Variants in DPYD observed in about 807,000 individuals in gnomAD.
The protein encoded by DPYD is dihydropyrimidine dehydrogenase.
A neutral mutation model predicts 116.2 loss-of-function variants in DPYD; 109 were observed. The observed-to-expected ratio is 0.94, with a 90% CI of 0.80 to 1.10. The LOEUF is 1.10. Among genes scored for constraint, DPYD ranks in the 50% least tolerant of loss-of-function variants. The pLI, the probability that DPYD is intolerant of heterozygous loss-of-function variation, is 0.00. For synonymous variants in DPYD, 440 were observed against 432.0 expected, an observed-to-expected ratio of 1.02 and a Z score of -0.23; for missense variants, 1,302 against 1,254.5, an observed-to-expected ratio of 1.04 and a Z score of -0.57.
At chr1:97,228,181 C>T (rs1661323473) in intron 19 of DPYD, among the ~76,000 whole-genome samples, 1 of 150,558 alleles carries the variant, frequency 6.6e-6, no homozygotes, top group African/African-American at 2.4e-5. Context: ...CTCTAAATTT[C>T]TACAACAATG....
intron 18 of DPYD, among the ~76,000 whole-genome samples, chr1:97,237,555 A>G (rs1662034906): frequency 6.6e-6 from 1 of 152,198 alleles, no homozygotes; most frequent in Non-Finnish European, 1.5e-5. Context: ...TTTATCAGTG[A>G]TTCCTCACAG....
At chr1:97,695,470 G>A (rs1446701471) in intron 6 of DPYD, among the ~76,000 whole-genome samples, 1 of 149,834 alleles carries the variant, frequency 6.7e-6, no homozygotes, top group African/African-American at 2.5e-5. Flanking sequence ...TTGGTTTATT[G>A]TTCGTTTATT....
intron 16 of DPYD, among the ~76,000 whole-genome samples, chr1:97,368,935 C>T (rs113435898): frequency 2.6e-5 from 4 of 152,128 alleles, no homozygotes; most frequent in African/African-American, 9.6e-5. Flanking sequence ...GATTTTTTTG[C>T]CACCTATTGT....
intron 12 of DPYD, among the ~76,000 whole-genome samples, chr1:97,537,640 A>AATTGTCTTT (rs71071661): frequency 0.26 from 38,917 of 151,894 alleles, 5,206 homozygotes; most frequent in Middle Eastern, 0.32. Context: ...CCATATTTTT[A>AATTGTCTTT]ATTGTCTTTA....
chr1:97,549,679 T>A lies in DPYD; in HGVS notation c.1405A>T (p.Met469Leu). The A allele has an allele frequency of 6.2e-7, 1 of 1,613,898 alleles. No homozygotes were observed. Among genetic ancestry groups the A allele is most frequent in the East Asian group, 2.2e-5 (1 of 44,854 alleles). The change falls in exon 12 of 23, where the codon ATG becomes TTG. Residue 469 changes from methionine (M) to leucine (L), a missense_variant. Met to Leu is a conservative substitution (Grantham distance 15). Transcript: ENST00000370192. ...WGLPEVDPET[M>L]QTSEAWVFAG... The stretch of plus-strand genomic sequence containing the variant: ...AATACCCATGCTTCACTAGTTTGCA[T>A]AGTTTCTGGATCTACTTCTGGGAGA...
intron 2 of DPYD, among the ~76,000 whole-genome samples, chr1:97,864,330 T>C (rs994992846): frequency 2.6e-5 from 4 of 151,874 alleles, no homozygotes; most frequent in Admixed American, 2.6e-4. Flanking sequence ...TGGGAAAGAT[T>C]CATTTTCCAG....
chr1:97,720,036 T>C (rs1662829995), intron 5 of DPYD: 5 of 984,840 alleles, frequency 5.1e-6, no homozygotes, highest in East Asian at 1.1e-4. Context: ...GCTCTGGGAA[T>C]GAGTGGTAGA....
intron 16 of DPYD, among the ~76,000 whole-genome samples, chr1:97,335,783 C>G (rs1230052901): frequency 6.6e-6 from 1 of 152,136 alleles, no homozygotes; most frequent in Admixed American, 6.5e-5. Flanking sequence ...ACAGTTGCTG[C>G]TTTACTTCAA....
rs192449866 is a variant in DPYD at position 97,864,593 on chromosome 1, G to A, written c.150+18671C>T. Among the ~76,000 whole-genome samples the A allele has an allele frequency of 3.5e-3, 539 of 151,886 alleles. 4 individuals are homozygous for A. The highest frequency in any genetic ancestry group is 6.8e-3 in the Admixed American group (104 of 15,206). On this transcript the variant is annotated intron_variant, in intron 2 of 22. Coordinates refer to ENST00000370192, the MANE Select transcript of DPYD (RefSeq NM_000110.4). ...TGATAAGAGAAAGCTTAAGACAGATGTTAGATAAAAACTGAGGCCAAGGAA... is the reference window on the plus strand; with the variant it reads ...TGATAAGAGAAAGCTTAAGACAGATATTAGATAAAAACTGAGGCCAAGGAA...
rs552299894 is a variant in DPYD, at chr1:97,330,440, T to A, written c.2059-24143A>T. The stretch of plus-strand genomic sequence containing the variant: ...ATGTTATATAACCAGTCTGTAATAA[T>A]CCTTATTTGATGATACTCATTAATT... On this transcript the variant is annotated intron_variant, in intron 16 of 22. Transcript: ENST00000370192. 2.2e-4 allele frequency among the ~76,000 whole-genome samples: 33 copies of A among 152,294 alleles called. No homozygotes were observed. The South Asian group carries it at 5.2e-3, about 24-fold the overall frequency.
At chr1:97,364,824 G>A (rs187162009) in intron 16 of DPYD, among the ~76,000 whole-genome samples, 40 of 152,170 alleles carry the variant, frequency 2.6e-4, no homozygotes, top group Admixed American at 1.7e-3. Context: ...GTAAAATGCC[G>A]TAATTTTAAT....
intron 3 of DPYD, among the ~76,000 whole-genome samples, chr1:97,775,579 G>C (rs1043922161): frequency 5.9e-5 from 9 of 151,892 alleles, no homozygotes; most frequent in Admixed American, 1.3e-4. Context: ...TTTCTCTTTG[G>C]GGTATACCTA....
rs768680499 is a variant in DPYD, at chr1:97,699,498, G to T, written c.533C>A (p.Pro178His). 8 of 1,613,304 alleles carry T rather than the reference G, an allele frequency of 5.0e-6. No homozygotes were observed. Among genetic ancestry groups the T allele is most frequent in the Non-Finnish European group, 6.8e-6 (8 of 1,179,570 alleles). Residue 178 changes from proline (P) to histidine (H), a missense_variant, in exon 6 of 23, where the codon CCC (proline) becomes CAC (histidine). Transcript: ENST00000370192. ...ATAGGCTTCAGACATTTTTTCTGGG[G>T]GAGGCAGCGAAGGATTTCTGATCTG... The part of the protein sequence containing the change: ...IPQIRNPSLP[P>H]PEKMSEAYSA...
At chr1:97,679,764 T>C (rs1367401562) in intron 7 of DPYD, among the ~76,000 whole-genome samples, 2 of 152,030 alleles carry the variant, frequency 1.3e-5, no homozygotes, top group Non-Finnish European at 2.9e-5. Context: ...CTAGTAAAAG[T>C]CACAATGCTT....
chr1:97,445,851 G>C (rs1397033529), intron 14 of DPYD, among the ~76,000 whole-genome samples: 1 of 151,038 alleles, frequency 6.6e-6, no homozygotes, highest in African/African-American at 2.4e-5. Flanking sequence ...TCAGCCTCTT[G>C]AGTAGCTGGG....
intron 13 of DPYD, among the ~76,000 whole-genome samples, chr1:97,479,852 G>A (rs1678200503): frequency 2.0e-5 from 3 of 152,120 alleles, no homozygotes; most frequent in African/African-American, 4.8e-5. Context: ...TCCTATATTT[G>A]TTCTTACTAA....
At chr1:97,603,099 TCC>T (rs1655367144) in intron 8 of DPYD, among the ~76,000 whole-genome samples, 2 of 152,018 alleles carry the variant, frequency 1.3e-5, no homozygotes, top group Admixed American at 1.3e-4. Context: ...TAAAACAATT[TCC>T]TTAAATTTTA....
rs373459638 is a variant in DPYD at position 97,637,492 on chromosome 1, AAAGTTTTCCCCCCCTC to A, written c.850+41587_850+41602del. On this transcript the variant is annotated intron_variant, in intron 8 of 22. Coordinates refer to ENST00000370192, the MANE Select transcript of DPYD (RefSeq NM_000110.4). Reference sequence around the variant, plus strand: ...ACACTGAACATAAGAGAGTACAGGAAAAGTTTTCCCCCCCTCAACAACACAAAATACCCTAAGGTTG... The same window carrying A: ...ACACTGAACATAAGAGAGTACAGGAAAACAACACAAAATACCCTAAGGTTG... Among the ~76,000 whole-genome samples the A allele has an allele frequency of 3.9e-3, 588 of 152,002 alleles. 1 individual carries two copies. The highest frequency in any genetic ancestry group is 0.013 in the African/African-American group (559 of 41,490).
intron 12 of DPYD, among the ~76,000 whole-genome samples, chr1:97,533,852 T>C (rs1201113473): frequency 6.6e-6 from 1 of 152,024 alleles, no homozygotes; most frequent in African/African-American, 2.4e-5. Context: ...AAAATAGAAA[T>C]AACAATATCT....
Sources: allele counts gnomAD v4.1 joint callset (sites outside exome capture counted in the v4.1 genomes callset), GRCh38; gene constraint gnomAD v4.1.1; transcripts MANE v1.5; gene names NCBI Gene and HGNC (gene_info 2026-07-23, HGNC 2026-07-21).